The following WWOX variants were observed in gnomAD, a reference collection of about 807,000 sequenced individuals.
WWOX encodes the protein WW domain containing oxidoreductase.
In WWOX, 69 loss-of-function variants were observed where a neutral mutation model predicts 46.2. That is an observed-to-expected ratio of 1.49 (90% CI 1.23 to 1.82). The LOEUF is 1.82. WWOX is among the 40% of genes most tolerant of loss of function. WWOX has a pLI of 0.00. For synonymous variants in WWOX, 359 were observed against 202.6 expected (o/e 1.77, Z -6.56); for missense variants, 919 against 542.6 (o/e 1.69, Z -6.89).
intron 5 of WWOX, among the ~76,000 whole-genome samples, chr16:78,212,238 A>G (rs927437577): frequency 2.0e-5 from 3 of 152,158 alleles, no homozygotes; most frequent in East Asian, 1.9e-4. Context: ...CACTCCATGG[A>G]AAAGGGGGGA....
rs1437851896 is a variant in WWOX, at chr16:78,459,905, G to C, written c.1056+27153G>C. ...CTGCAGTCTTGACCACCCTGGCTCA[G>C]GTGATCCTCCCACCTCAGCCTCCCG... On this transcript the variant is annotated intron_variant, in intron 8 of 8. Coordinates refer to ENST00000566780, the MANE Select transcript of WWOX (RefSeq NM_016373.4). Among the ~76,000 whole-genome samples, 4 of 151,508 alleles carry C rather than the reference G, an allele frequency of 2.6e-5. No individual in the cohort carries two copies. In the East Asian group the frequency reaches 7.8e-4, roughly 29 times the overall value.
intron 8 of WWOX, among the ~76,000 whole-genome samples, chr16:79,119,367 TG>T (rs1392738995): frequency 2.0e-5 from 3 of 152,184 alleles, no homozygotes; most frequent in African/African-American, 7.2e-5. Context: ...TATTAATGGA[TG>T]ACAAGTGGAT....
intron 8 of WWOX, among the ~76,000 whole-genome samples, chr16:78,669,190 C>T (rs760292387): frequency 1.3e-5 from 2 of 152,168 alleles, no homozygotes; most frequent in Non-Finnish European, 2.9e-5. Flanking sequence ...AAACTTCCTT[C>T]ACACACTCCC....
At chr16:79,080,746 C>G (rs552626080) in intron 8 of WWOX, among the ~76,000 whole-genome samples, 1 of 152,094 alleles carries the variant, frequency 6.6e-6, no homozygotes, top group African/African-American at 2.4e-5. Flanking sequence ...GTGGGAGGAT[C>G]GCTTGAAGCC....
chr16:78,941,898 C>T (rs1210721503), intron 8 of WWOX, among the ~76,000 whole-genome samples: 1 of 151,940 alleles, frequency 6.6e-6, no homozygotes, highest in Non-Finnish European at 1.5e-5. Context: ...AATTTAATTA[C>T]GGCGCTGATT....
chr16:79,089,467 G>T (rs1448971673), intron 8 of WWOX, among the ~76,000 whole-genome samples: 1 of 151,854 alleles, frequency 6.6e-6, no homozygotes, highest in Non-Finnish European at 1.5e-5. Flanking sequence ...GAGTAGCTGG[G>T]ACTACAGGCA....
rs577004135 is a variant in WWOX, at chr16:78,724,526, A to C, written c.1056+291774A>C. On this transcript the variant is annotated intron_variant, in intron 8 of 8. Transcript: ENST00000566780. ...GATATTATTATAGTTCTTTATCGAC[A>C]TTATTACAGTCCATTATTTACAGTC... 6.6e-5 allele frequency among the ~76,000 whole-genome samples: 10 copies of C among 152,188 alleles called. 1 individual carries two copies. Among genetic ancestry groups the C allele is most frequent in the Non-Finnish European group, 1.3e-4 (9 of 68,034 alleles).
chr16:78,582,418 G>T (rs2045082190), intron 8 of WWOX, among the ~76,000 whole-genome samples: 1 of 152,190 alleles, frequency 6.6e-6, no homozygotes, highest in Admixed American at 6.5e-5. Context: ...TTTCTTAAAT[G>T]TAGAGATTTA....
chr16:78,871,912 T>A lies in WWOX; in HGVS notation c.1057-339696T>A, dbSNP rs150189630. On this transcript the variant is annotated intron_variant, in intron 8 of 8. Transcript: ENST00000566780. ...GCCCCCAGGCCCTACCCTGGGCCCC[T>A]CCTTTCTGGCCCCTCAACCTGTTTT... Among the ~76,000 whole-genome samples the A allele has an allele frequency of 4.2e-3, 632 of 152,262 alleles. 5 individuals carry two copies. The highest frequency in any genetic ancestry group is 0.014 in the African/African-American group (592 of 41,552).
intron 8 of WWOX, among the ~76,000 whole-genome samples, chr16:78,583,368 C>G (rs750592349): frequency 3.9e-5 from 6 of 152,100 alleles, no homozygotes; most frequent in Non-Finnish European, 7.4e-5. Flanking sequence ...CTTCATGTAC[C>G]CATTCTAGAA....
chr16:78,523,975 T>A (rs1319699399), intron 8 of WWOX, among the ~76,000 whole-genome samples: 3 of 152,246 alleles, frequency 2.0e-5, no homozygotes, highest in Admixed American at 2.0e-4. Context: ...TATTAACATG[T>A]GCTACTATAC....
intron 8 of WWOX, among the ~76,000 whole-genome samples, chr16:79,183,889 C>T (rs1285393539): frequency 6.6e-6 from 1 of 152,234 alleles, no homozygotes; most frequent in Non-Finnish European, 1.5e-5. Context: ...TCTCACTGCT[C>T]TGGTCTCTAT....
At chr16:78,492,190 A>T (rs2084800645) in intron 8 of WWOX, among the ~76,000 whole-genome samples, 1 of 152,124 alleles carries the variant, frequency 6.6e-6, no homozygotes, top group South Asian at 2.1e-4. Context: ...CCATTAGGTG[A>T]CAGTGTGTGC....
intron 8 of WWOX, among the ~76,000 whole-genome samples, chr16:78,627,225 G>GC (rs1486697190): frequency 6.6e-6 from 1 of 152,054 alleles, no homozygotes; most frequent in African/African-American, 2.4e-5. Flanking sequence ...TTCCCCCTGT[G>GC]CCCCAGGTGT....
intron 8 of WWOX, among the ~76,000 whole-genome samples, chr16:79,001,534 G>T (rs1400407831): frequency 6.6e-6 from 1 of 152,114 alleles, no homozygotes; most frequent in Non-Finnish European, 1.5e-5. Context: ...AGTACATTTT[G>T]CCCATAGAGA....
At chr16:78,508,773 G>A (rs139516039) in intron 8 of WWOX, among the ~76,000 whole-genome samples, 2 of 152,302 alleles carry the variant, frequency 1.3e-5, no homozygotes, top group Non-Finnish European at 1.5e-5. Flanking sequence ...GCCTGCAGCC[G>A]ATGTCTCTCC....
intron 8 of WWOX, among the ~76,000 whole-genome samples, chr16:78,589,385 A>G (rs1464776922): frequency 1.3e-5 from 2 of 152,168 alleles, no homozygotes; most frequent in South Asian, 2.1e-4. Flanking sequence ...ATTGACAGTC[A>G]TTTCTACCTT....
At chr16:78,972,619 C>G (rs932041580) in intron 8 of WWOX, among the ~76,000 whole-genome samples, 1 of 152,080 alleles carries the variant, frequency 6.6e-6, no homozygotes, top group Non-Finnish European at 1.5e-5. Context: ...TCATAAAGTA[C>G]ATACCGCTGC....
intron 8 of WWOX, among the ~76,000 whole-genome samples, chr16:78,856,735 T>C (rs1404678805): frequency 1.3e-5 from 2 of 152,162 alleles, no homozygotes; most frequent in African/African-American, 4.8e-5. Flanking sequence ...TCTTATGAAA[T>C]AGAAATATAC....
Sources: allele counts gnomAD v4.1 joint callset (sites outside exome capture counted in the v4.1 genomes callset), GRCh38; gene constraint gnomAD v4.1.1; transcripts MANE v1.5; gene names NCBI Gene and HGNC (gene_info 2026-07-23, HGNC 2026-07-21).